The following CMTM8 variants were observed in gnomAD, a reference collection of about 807,000 sequenced individuals.
The protein encoded by CMTM8 is CKLF like MARVEL transmembrane domain containing 8.
In CMTM8, 12 loss-of-function variants were observed where a neutral mutation model predicts 18.6. The observed-to-expected ratio is 0.65, with a 90% CI of 0.41 to 1.05. The LOEUF is 1.05. Ranked by LOEUF, CMTM8 falls within the 50% of genes least tolerant of loss-of-function variation. CMTM8 has a pLI of 0.00. For missense variants in CMTM8, 217 were observed against 227.2 expected, an observed-to-expected ratio of 0.95 and a Z score of 0.29; for synonymous variants, 87 against 90.6, an observed-to-expected ratio of 0.96 and a Z score of 0.23.
intron 1 of CMTM8, among the ~76,000 whole-genome samples, chr3:32,285,492 G>A (rs1324253681): frequency 2.1e-5 from 3 of 146,206 alleles, no homozygotes; most frequent in African/African-American, 5.1e-5. Flanking sequence ...CAGCCTGGGT[G>A]ACAGAGCGAG....
chr3:32,276,998 C>T (rs1044778414), intron 1 of CMTM8, among the ~76,000 whole-genome samples: 2 of 151,770 alleles, frequency 1.3e-5, no homozygotes, highest in African/African-American at 2.4e-5. Context: ...AATCCTCTTG[C>T]CTCGACCTCC....
chr3:32,264,130 C>G (rs1702297882), intron 1 of CMTM8, among the ~76,000 whole-genome samples: 1 of 152,276 alleles, frequency 6.6e-6, no homozygotes, highest in Non-Finnish European at 1.5e-5. Context: ...AGAAGAGCAA[C>G]TCCAAGACAC....
At chr3:32,359,989 G>A (rs1228963986) in intron 2 of CMTM8, among the ~76,000 whole-genome samples, 1 of 152,138 alleles carries the variant, frequency 6.6e-6, no homozygotes, top group African/African-American at 2.4e-5. Flanking sequence ...CTGCCTGAGC[G>A]GTAGGTAGGA....
rs569012009 is a variant in CMTM8, at chr3:32,340,948, T to C, written c.148-16425T>C. ...AGCCTATTTACTGACTCAATATGGCTCCTGTGTCAAACTCTGTAATATATC... is the reference window on the plus strand; with the variant it reads ...AGCCTATTTACTGACTCAATATGGCCCCTGTGTCAAACTCTGTAATATATC... On this transcript the variant is annotated intron_variant, in intron 1 of 3. Transcript: ENST00000307526. Among the ~76,000 whole-genome samples the C allele has an allele frequency of 1.6e-4, 25 of 152,342 alleles. No individual in the cohort carries two copies. The South Asian group carries it at 5.2e-3, about 32-fold the overall frequency.
At chr3:32,289,105 T>C (rs1454494841) in intron 1 of CMTM8, among the ~76,000 whole-genome samples, 1 of 152,134 alleles carries the variant, frequency 6.6e-6, no homozygotes, top group Non-Finnish European at 1.5e-5. Flanking sequence ...AGTGGGTTTG[T>C]GATGAACCAG....
At chr3:32,303,340 A>G (rs1298002414) in intron 1 of CMTM8, among the ~76,000 whole-genome samples, 1 of 152,198 alleles carries the variant, frequency 6.6e-6, no homozygotes, top group South Asian at 2.1e-4. Context: ...GGCCATTATC[A>G]TATCAGTGAG....
intron 1 of CMTM8, among the ~76,000 whole-genome samples, chr3:32,338,317 C>T (rs1696428129): frequency 6.6e-6 from 1 of 152,084 alleles, no homozygotes; most frequent in Non-Finnish European, 1.5e-5. Flanking sequence ...AACCTCTGCT[C>T]TTGAGGTTCC....
rs1321117387 is a variant in CMTM8, at chr3:32,316,518, G to C, written c.148-40855G>C. Reference sequence around the variant, plus strand: ...AGAGCAGCTTAGTAAAAAGTTGACAGAAGGCATGACAAGAATGCAGCCTTT... The same window carrying C: ...AGAGCAGCTTAGTAAAAAGTTGACACAAGGCATGACAAGAATGCAGCCTTT... On this transcript the variant is annotated intron_variant, in intron 1 of 3. Coordinates refer to ENST00000307526, the MANE Select transcript of CMTM8 (RefSeq NM_178868.5). Among the ~76,000 whole-genome samples, 8 of 152,348 alleles carry C rather than the reference G, an allele frequency of 5.3e-5. No homozygotes were observed. In the South Asian group the frequency reaches 1.7e-3, roughly 32 times the overall value.
chr3:32,262,645 A>G (rs1702273552), intron 1 of CMTM8, among the ~76,000 whole-genome samples: 1 of 152,236 alleles, frequency 6.6e-6, no homozygotes, highest in South Asian at 2.1e-4. Flanking sequence ...CTGAACTTCC[A>G]TCTGTAATAA....
chr3:32,337,338 G>C (rs575712995), intron 1 of CMTM8, among the ~76,000 whole-genome samples: 1 of 152,182 alleles, frequency 6.6e-6, no homozygotes, highest in Admixed American at 6.5e-5. Context: ...CACCAGCCAG[G>C]CCTGCACGGA....
At chr3:32,302,171 C>T (rs767134391) in intron 1 of CMTM8, among the ~76,000 whole-genome samples, 7 of 151,798 alleles carry the variant, frequency 4.6e-5, no homozygotes, top group South Asian at 2.1e-4. Context: ...AAATGTGGCA[C>T]GTGTCATAAC....
chr3:32,307,307 C>A (rs1695732849), intron 1 of CMTM8, among the ~76,000 whole-genome samples: 1 of 152,158 alleles, frequency 6.6e-6, no homozygotes, highest in South Asian at 2.1e-4. Context: ...CACCACTGCA[C>A]TCCAGCCTGA....
At chr3:32,330,380 G>A (rs1472179002) in intron 1 of CMTM8, among the ~76,000 whole-genome samples, 5 of 152,120 alleles carry the variant, frequency 3.3e-5, no homozygotes, top group Admixed American at 2.0e-4. Context: ...GGAGGCTAAG[G>A]CAGGAGACTT....
intron 1 of CMTM8, among the ~76,000 whole-genome samples, chr3:32,350,524 AT>A (rs35024397): frequency 1.3e-4 from 18 of 135,700 alleles, no homozygotes; most frequent in African/African-American, 2.9e-4. Context: ...GGCCCAGCTA[AT>A]TTTTTTTTTT....
At chr3:32,318,813 C>T (rs544495977) in intron 1 of CMTM8, among the ~76,000 whole-genome samples, 6 of 150,992 alleles carry the variant, frequency 4.0e-5, no homozygotes, top group South Asian at 2.1e-4. Context: ...GTGATCCACC[C>T]GCCTCAGCCT....
At chr3:32,356,429 A>G (rs1696814494) in intron 1 of CMTM8, among the ~76,000 whole-genome samples, 1 of 152,350 alleles carries the variant, frequency 6.6e-6, no homozygotes, top group Admixed American at 6.5e-5. Context: ...TCCAGGACTC[A>G]AGACACCTAC....
At chr3:32,307,947 G>A (rs912451361) in intron 1 of CMTM8, among the ~76,000 whole-genome samples, 1 of 152,200 alleles carries the variant, frequency 6.6e-6, no homozygotes, top group Non-Finnish European at 1.5e-5. Context: ...AAATAAGTCA[G>A]CAAAGGCATT....
chr3:32,282,134 A>G (rs1453087948), intron 1 of CMTM8, among the ~76,000 whole-genome samples: 1 of 152,172 alleles, frequency 6.6e-6, no homozygotes, highest in East Asian at 1.9e-4. Context: ...CTCATAGGCA[A>G]CTCAGGCTAA....
chr3:32,315,493 G>A (rs1695909605), intron 1 of CMTM8, among the ~76,000 whole-genome samples: 1 of 152,324 alleles, frequency 6.6e-6, no homozygotes, highest in South Asian at 2.1e-4. Context: ...AACGGGGCAG[G>A]ATGAACCAGT....
Sources: gnomAD v4.1 joint callset for allele counts (sites outside exome capture counted in the v4.1 genomes callset) on GRCh38, gnomAD v4.1.1 for gene constraint, MANE v1.5 for transcripts, NCBI Gene and HGNC (gene_info 2026-07-23, HGNC 2026-07-21) for gene names.